The following PDSS2 variants were observed in gnomAD, a reference collection of about 807,000 sequenced individuals.
The protein encoded by PDSS2 is all trans-polyprenyl-diphosphate synthase PDSS2.
In PDSS2, 31 loss-of-function variants were observed where a neutral mutation model predicts 44.5. The observed-to-expected ratio is 0.70, with a 90% CI of 0.52 to 0.94. The LOEUF (loss-of-function observed/expected upper bound fraction) is 0.94, where lower values mean the gene tolerates loss of function less well. Ranked by LOEUF, PDSS2 falls within the 40% of genes least tolerant of loss-of-function variation. PDSS2 has a pLI of 0.00. For synonymous variants in PDSS2, 157 were observed against 180.3 expected (o/e 0.87, Z 1.03); for missense variants, 452 against 482.2 (o/e 0.94, Z 0.59).
chr6:107,162,284 G>A (rs904395474), intron 7 of PDSS2, among the ~76,000 whole-genome samples: 9 of 151,920 alleles, frequency 5.9e-5, no homozygotes, highest in Non-Finnish European at 1.0e-4. Flanking sequence ...ATCACTTGAG[G>A]CCAGGAGTGA....
At chr6:107,175,995 T>G (rs1027997646) in intron 7 of PDSS2, among the ~76,000 whole-genome samples, 1 of 152,186 alleles carries the variant, frequency 6.6e-6, no homozygotes, top group Non-Finnish European at 1.5e-5. Context: ...TTTCATGCAG[T>G]GACAATACCA....
chr6:107,361,018 T>C (rs1778756692), intron 1 of PDSS2, among the ~76,000 whole-genome samples: 1 of 152,194 alleles, frequency 6.6e-6, no homozygotes, highest in South Asian at 2.1e-4. Flanking sequence ...GCCAAACTAT[T>C]TTGCATTTAA....
At chr6:107,368,472 C>T (rs564959083) in intron 1 of PDSS2, among the ~76,000 whole-genome samples, 41 of 152,232 alleles carry the variant, frequency 2.7e-4, no homozygotes, top group African/African-American at 9.2e-4. Flanking sequence ...GGTTGGAAGA[C>T]TCAGTATTGT....
At chr6:107,192,786 T>C (rs1160941568) in intron 7 of PDSS2, among the ~76,000 whole-genome samples, 1 of 147,970 alleles carries the variant, frequency 6.8e-6, no homozygotes, top group African/African-American at 2.6e-5. Flanking sequence ...TTTGTAATTG[T>C]TAAAAAAAAA....
At chr6:107,402,060 C>T (rs1780121778) in intron 1 of PDSS2, among the ~76,000 whole-genome samples, 2 of 152,202 alleles carry the variant, frequency 1.3e-5, no homozygotes, top group South Asian at 4.1e-4. Context: ...GGGCAGACTT[C>T]CTGAGGTCAG....
intron 3 of PDSS2, among the ~76,000 whole-genome samples, chr6:107,252,242 T>A (rs1774845654): frequency 6.6e-6 from 1 of 152,222 alleles, no homozygotes; most frequent in South Asian, 2.1e-4. Context: ...GATGGCTCTC[T>A]CCACTTCTTC....
At chr6:107,414,053 T>A (rs1336629560) in intron 1 of PDSS2, among the ~76,000 whole-genome samples, 1 of 152,084 alleles carries the variant, frequency 6.6e-6, no homozygotes, top group Non-Finnish European at 1.5e-5. Context: ...CTGTCAAAAG[T>A]ACAATTAAGA....
At chr6:107,249,993 T>C (rs1774759478) in intron 3 of PDSS2, among the ~76,000 whole-genome samples, 2 of 152,198 alleles carry the variant, frequency 1.3e-5, no homozygotes, top group African/African-American at 2.4e-5. Flanking sequence ...CAGGGGAATA[T>C]ATAATTGCTT....
At chr6:107,315,711 T>A (rs1218367585) in intron 2 of PDSS2, among the ~76,000 whole-genome samples, 1 of 152,186 alleles carries the variant, frequency 6.6e-6, no homozygotes, top group African/African-American at 2.4e-5. Context: ...ATAATTGCTG[T>A]CCCAGAAGAA....
chr6:107,348,700 A>G (rs1048974435), intron 1 of PDSS2, among the ~76,000 whole-genome samples: 4 of 152,246 alleles, frequency 2.6e-5, no homozygotes, highest in African/African-American at 9.6e-5. Flanking sequence ...CCATATTATA[A>G]CAACAGACAA....
intron 3 of PDSS2, among the ~76,000 whole-genome samples, chr6:107,258,943 T>C (rs1276972730): frequency 1.3e-5 from 2 of 152,224 alleles, no homozygotes; most frequent in African/African-American, 4.8e-5. Flanking sequence ...TGTATCATGG[T>C]TCTTTGTTGG....
chr6:107,314,612 T>C (rs1284074531), intron 2 of PDSS2, among the ~76,000 whole-genome samples: 1 of 152,224 alleles, frequency 6.6e-6, no homozygotes, highest in Non-Finnish European at 1.5e-5. Context: ...TTATGGTTTA[T>C]TACACAGTGC....
chr6:107,457,919 G>C (rs1782097488), intron 1 of PDSS2, among the ~76,000 whole-genome samples: 1 of 152,078 alleles, frequency 6.6e-6, no homozygotes, highest in Non-Finnish European at 1.5e-5. Flanking sequence ...AATACATACT[G>C]AAGTATTTAG....
chr6:107,373,718 TC>T (rs1779194858), intron 1 of PDSS2, among the ~76,000 whole-genome samples: 1 of 152,172 alleles, frequency 6.6e-6, no homozygotes, highest in African/African-American at 2.4e-5. Context: ...TGGAATTAAC[TC>T]CCACTTTCTC....
intron 1 of PDSS2, among the ~76,000 whole-genome samples, chr6:107,367,117 A>G (rs1474699830): frequency 6.6e-6 from 1 of 152,190 alleles, no homozygotes; most frequent in Non-Finnish European, 1.5e-5. Context: ...GCAATATAAA[A>G]AGAGGCTCAT....
chr6:107,289,455 T>C (rs1481162053), intron 2 of PDSS2, among the ~76,000 whole-genome samples: 1 of 151,224 alleles, frequency 6.6e-6, no homozygotes, highest in Non-Finnish European at 1.5e-5. Context: ...ATCCAAGCAC[T>C]GTGGGAGGAC....
intron 1 of PDSS2, among the ~76,000 whole-genome samples, chr6:107,389,509 C>T (rs1779716346): frequency 1.3e-5 from 2 of 152,188 alleles, no homozygotes; most frequent in South Asian, 4.2e-4. Context: ...TACAGTCGAA[C>T]AAACAGGTAA....
intron 7 of PDSS2, among the ~76,000 whole-genome samples, chr6:107,172,518 T>G (rs1771616420): frequency 6.6e-6 from 1 of 152,102 alleles, no homozygotes; most frequent in Non-Finnish European, 1.5e-5. Flanking sequence ...ATTGCGCCAT[T>G]GCACTTGAGT....
At chr6:107,237,076 C>CA (rs1774250309) in intron 4 of PDSS2, among the ~76,000 whole-genome samples, 1 of 151,872 alleles carries the variant, frequency 6.6e-6, no homozygotes, top group African/African-American at 2.4e-5. Context: ...GTTGGGACTA[C>CA]AGGCATACCA....
Sources: gnomAD v4.1 joint callset for allele counts (sites outside exome capture counted in the v4.1 genomes callset) on GRCh38, gnomAD v4.1.1 for gene constraint, MANE v1.5 for transcripts, NCBI Gene and HGNC (gene_info 2026-07-23, HGNC 2026-07-21) for gene names.